The following AGPAT5 variants were observed in gnomAD, a reference collection of about 807,000 sequenced individuals.
AGPAT5 encodes 1-acyl-sn-glycerol-3-phosphate acyltransferase epsilon.
In AGPAT5, 46 loss-of-function variants were observed where a neutral mutation model predicts 45.6. The ratio of observed to expected loss-of-function variants is 1.01; its 90% CI spans 0.80 to 1.29. The LOEUF (loss-of-function observed/expected upper bound fraction) is 1.29, where lower values mean the gene tolerates loss of function less well. AGPAT5 is among the 50% of genes most tolerant of loss of function. AGPAT5 has a pLI of 0.00. For missense variants in AGPAT5, 673 were observed against 450.7 expected (o/e 1.49, Z -4.47); for synonymous variants, 272 against 167.0 (o/e 1.63, Z -4.85).
intron 1 of AGPAT5, among the ~76,000 whole-genome samples, chr8:6,710,665 G>C (rs1384030297): frequency 6.6e-6 from 1 of 152,118 alleles, no homozygotes; most frequent in African/African-American, 2.4e-5. Context: ...GAATTTATTA[G>C]GGTCTTTTTC....
intron 2 of AGPAT5, among the ~76,000 whole-genome samples, chr8:6,729,536 CATCAGGAGATAGTTT>C (rs1800794410): frequency 1.3e-5 from 2 of 152,086 alleles, no homozygotes; most frequent in African/African-American, 4.8e-5. Context: ...TTTTCTTTCT[CATCAGGAGATAGTTT>C]GTAGCCATTT....
At position 6,761,239 on chromosome 8, in the gene AGPAT5, T is replaced by C. The variant is rs1049995679; in HGVS notation, c.*3851T>C. Among the ~76,000 whole-genome samples, 4 of 152,238 alleles carry C rather than the reference T, an allele frequency of 2.6e-5. No individual in the cohort carries two copies. Among genetic ancestry groups the C allele is most frequent in the African/African-American group, 9.6e-5 (4 of 41,472 alleles). Reference sequence around the variant, plus strand: ...TCAACAAAATGTTTATTGATGTTGATGAAACAGATCAGTTTTTCCATCCGG... The same window carrying C: ...TCAACAAAATGTTTATTGATGTTGACGAAACAGATCAGTTTTTCCATCCGG... On this transcript the variant is annotated 3_prime_UTR_variant, in exon 8 of 8. Transcript: ENST00000285518.
intron 1 of AGPAT5, among the ~76,000 whole-genome samples, chr8:6,716,184 TCTC>T (rs1418095212): frequency 2.0e-5 from 3 of 152,196 alleles, no homozygotes; most frequent in Admixed American, 6.5e-5. Flanking sequence ...GTATGGATCA[TCTC>T]CTCTGCAACA....
At chr8:6,752,373 G>A (rs1389409327) in intron 6 of AGPAT5, among the ~76,000 whole-genome samples, 1 of 152,092 alleles carries the variant, frequency 6.6e-6, no homozygotes, top group African/African-American at 2.4e-5. Context: ...TTTTAAAGAT[G>A]AGATTTCTGT....
intron 1 of AGPAT5, among the ~76,000 whole-genome samples, chr8:6,709,330 C>T (rs1232327608): frequency 1.3e-5 from 2 of 152,134 alleles, no homozygotes; most frequent in Non-Finnish European, 2.9e-5. Flanking sequence ...GTGTTCTTTC[C>T]CCTGGACAAG....
chr8:6,733,962 G>A (rs1265271768), intron 4 of AGPAT5, among the ~76,000 whole-genome samples: 1 of 152,268 alleles, frequency 6.6e-6, no homozygotes, highest in East Asian at 1.9e-4. Context: ...GAAAAAATCA[G>A]CTCTTTACAC....
intron 4 of AGPAT5, among the ~76,000 whole-genome samples, chr8:6,740,950 G>T (rs180776234): frequency 6.6e-6 from 1 of 152,122 alleles, no homozygotes; most frequent in Non-Finnish European, 1.5e-5. Context: ...TTGTAACTCA[G>T]TTCTCAAGCT....
chr8:6,726,322 G>C (rs912668212), intron 2 of AGPAT5, among the ~76,000 whole-genome samples: 1 of 152,154 alleles, frequency 6.6e-6, no homozygotes, highest in African/African-American at 2.4e-5. Flanking sequence ...TGATAGATTT[G>C]ATTTTCCTGC....
At chr8:6,730,130 G>A (rs1240886561) in intron 2 of AGPAT5, among the ~76,000 whole-genome samples, 1 of 151,546 alleles carries the variant, frequency 6.6e-6, no homozygotes, top group Non-Finnish European at 1.5e-5. Flanking sequence ...TTAGGATTTA[G>A]AGAAGCTCAT....
rs189978307 is a variant in AGPAT5, at chr8:6,757,080, C to T, written c.870-83C>T. ...CCAGGGACCTGCATAACTTTTCCAG[C>T]GTGTAATAGCTACCTGATTGATATT... On this transcript the variant is annotated intron_variant, in intron 7 of 7. Transcript: ENST00000285518. 9.6e-5 allele frequency: 96 copies of T among 1,004,154 alleles called. 1 individual carries two copies. The highest frequency in any genetic ancestry group is 5.4e-5 in the Non-Finnish European group (37 of 681,988). The allele number at this position is 1,004,154 out of a possible 1,614,324, so 62.2% of individuals were successfully genotyped here.
intron 4 of AGPAT5, among the ~76,000 whole-genome samples, chr8:6,738,773 GTTTT>G (rs1183515405): frequency 6.6e-6 from 1 of 151,852 alleles, no homozygotes; most frequent in Non-Finnish European, 1.5e-5. Context: ...GAGTACGTGT[GTTTT>G]TTTATTTTTA....
intron 1 of AGPAT5, among the ~76,000 whole-genome samples, chr8:6,720,947 C>G (rs1445160646): frequency 6.6e-6 from 1 of 152,138 alleles, no homozygotes; most frequent in Non-Finnish European, 1.5e-5. Flanking sequence ...GTCCAAACAC[C>G]TAGTCATTAC....
chr8:6,713,388 T>C (rs1336705015), intron 1 of AGPAT5, among the ~76,000 whole-genome samples: 2 of 152,218 alleles, frequency 1.3e-5, no homozygotes, highest in Non-Finnish European at 2.9e-5. Flanking sequence ...CTTCTCCAAA[T>C]GCTAATGTAA....
At chr8:6,719,943 C>G (rs543087104) in intron 1 of AGPAT5, among the ~76,000 whole-genome samples, 1 of 150,562 alleles carries the variant, frequency 6.6e-6, no homozygotes, top group South Asian at 2.1e-4. Flanking sequence ...ACCTCAGTGA[C>G]TCTCGATTGA....
In AGPAT5 at chr8:6,758,204, GT is replaced by G. The variant is rs1440564102; in HGVS notation, c.*820del. On this transcript the variant is annotated 3_prime_UTR_variant, in exon 8 of 8. Coordinates refer to ENST00000285518, the MANE Select transcript of AGPAT5 (RefSeq NM_018361.5). ...TGAAAACGTTAAGGTTTTCTGTTTT[GT>G]TTTGTTTTTTTAATATCAAAAGAGT... is the stretch of plus-strand genomic sequence containing the variant. 1.3e-5 allele frequency: 2 copies of G among 152,482 alleles called. No homozygotes were observed. The highest frequency in any genetic ancestry group is 4.8e-5 in the African/African-American group (2 of 41,410). The allele number at this position is 152,482 out of a possible 1,614,324, so 9.4% of individuals were successfully genotyped here. A position where few individuals can be genotyped will look rare whatever the true frequency, so the allele number is the denominator to read the frequency against.
Position 6,723,652 on chromosome 8 carries a change from A to G in AGPAT5, c.220-1218A>G, listed in dbSNP as rs184923754. 4.5e-3 allele frequency among the ~76,000 whole-genome samples: 678 copies of G among 152,336 alleles called. 7 individuals carry two copies. The highest frequency in any genetic ancestry group is 5.0e-3 in the Non-Finnish European group (339 of 68,030). On this transcript the variant is annotated intron_variant, in intron 1 of 7. Transcript: ENST00000285518. ...CTGAACAGATCAAGCTATTGGTATTACTCATTTATGTCATCGATAAACTTT... is the reference window on the plus strand; with the variant it reads ...CTGAACAGATCAAGCTATTGGTATTGCTCATTTATGTCATCGATAAACTTT...
At chr8:6,721,539 G>T (rs1226509447) in intron 1 of AGPAT5, among the ~76,000 whole-genome samples, 1 of 152,196 alleles carries the variant, frequency 6.6e-6, no homozygotes, top group Non-Finnish European at 1.5e-5. Context: ...ATCCCAGGAG[G>T]AGTAGTTACT....
chr8:6,716,838 C>T (rs1800347946), intron 1 of AGPAT5, among the ~76,000 whole-genome samples: 1 of 139,524 alleles, frequency 7.2e-6, no homozygotes, highest in Admixed American at 6.8e-5. Flanking sequence ...CGTCTCAAAA[C>T]AAACAAACAA....
intron 1 of AGPAT5, among the ~76,000 whole-genome samples, chr8:6,710,641 G>T (rs1332446537): frequency 6.6e-6 from 1 of 152,176 alleles, no homozygotes; most frequent in African/African-American, 2.4e-5. Flanking sequence ...TTTAGTAACA[G>T]AGCAGGGTAT....
Sources: allele counts gnomAD v4.1 joint callset (sites outside exome capture counted in the v4.1 genomes callset), GRCh38; gene constraint gnomAD v4.1.1; transcripts MANE v1.5; gene names NCBI Gene and HGNC (gene_info 2026-07-23, HGNC 2026-07-21).